The following ARID5B variants were observed in gnomAD, a reference collection of about 807,000 sequenced individuals.
ARID5B encodes the protein AT-rich interaction domain 5B, also known as AT-rich interactive domain-containing protein 5B.
A neutral mutation model predicts 97.2 loss-of-function variants in ARID5B; 13 were observed. The observed-to-expected ratio is 0.13, with a 90% confidence interval of 0.09 to 0.21. The LOEUF (loss-of-function observed/expected upper bound fraction) is 0.21, where lower values mean the gene tolerates loss of function less well. ARID5B is among the 10% of genes least tolerant of loss of function. The pLI, the probability that ARID5B is intolerant of heterozygous loss-of-function variation, is 1.00. For missense variants in ARID5B, 1,210 were observed against 1,465.3 expected, an observed-to-expected ratio of 0.83 and a Z score of 2.84; for synonymous variants, 556 against 570.3, an observed-to-expected ratio of 0.97 and a Z score of 0.36.
At chr10:62,065,366 A>G (rs1839972872) in intron 7 of ARID5B, among the ~76,000 whole-genome samples, 1 of 152,154 alleles carries the variant, frequency 6.6e-6, no homozygotes, top group African/African-American at 2.4e-5. Context: ...TCGTGACACC[A>G]TCTCACACTC....
intron 4 of ARID5B, among the ~76,000 whole-genome samples, chr10:62,040,004 C>T (rs1288744963): frequency 6.6e-6 from 1 of 152,192 alleles, no homozygotes; most frequent in African/African-American, 2.4e-5. Context: ...AAAATCACTC[C>T]AGCTCCATTT....
At chr10:61,972,944 A>G (rs1838648936) in intron 3 of ARID5B, among the ~76,000 whole-genome samples, 1 of 152,228 alleles carries the variant, frequency 6.6e-6, no homozygotes, top group African/African-American at 2.4e-5. Flanking sequence ...TTTCATGAGA[A>G]GTTGGGCAAA....
At chr10:61,917,821 A>G (rs1031198031) in intron 2 of ARID5B, among the ~76,000 whole-genome samples, 2 of 152,148 alleles carry the variant, frequency 1.3e-5, no homozygotes, top group Non-Finnish European at 2.9e-5. Flanking sequence ...GCAGGAAGAG[A>G]TGTGCAAGAA....
At chr10:61,968,127 C>T (rs932491186) in intron 3 of ARID5B, among the ~76,000 whole-genome samples, 1 of 144,020 alleles carries the variant, frequency 6.9e-6, no homozygotes, top group Non-Finnish European at 1.5e-5. Context: ...CACACCTAAT[C>T]TAGTGTGCCA....
intron 2 of ARID5B, among the ~76,000 whole-genome samples, chr10:61,928,756 G>A (rs774820296): frequency 6.6e-6 from 1 of 152,146 alleles, no homozygotes; most frequent in African/African-American, 2.4e-5. Context: ...GCTTCATCTT[G>A]TTTGATCCAT....
chr10:61,987,988 A>G (rs1838869558), intron 3 of ARID5B, among the ~76,000 whole-genome samples: 1 of 152,206 alleles, frequency 6.6e-6, no homozygotes, highest in South Asian at 2.1e-4. Context: ...AGCAGATGGT[A>G]GGTACTTTGG....
In ARID5B at chr10:61,957,020, C is replaced by T. The variant is rs953270135; in HGVS notation, c.502+16612C>T. 1.2e-4 allele frequency among the ~76,000 whole-genome samples: 18 copies of T among 152,246 alleles called. 1 individual carries two copies. Among genetic ancestry groups the T allele is most frequent in the African/African-American group, 4.1e-4 (17 of 41,552 alleles). ...TTCCAGGCTCAAGTGATCCTCCCAC[C>T]TCAGCCTTTTAAATTGTTTTTCTGA... On this transcript the variant is annotated intron_variant, in intron 3 of 9. Transcript: ENST00000279873.
intron 7 of ARID5B, among the ~76,000 whole-genome samples, chr10:62,060,686 C>T (rs1309526818): frequency 6.6e-6 from 1 of 152,008 alleles, no homozygotes; most frequent in African/African-American, 2.4e-5. Flanking sequence ...GTCTCATAAA[C>T]GTAGAAGTCA....
intron 3 of ARID5B, among the ~76,000 whole-genome samples, chr10:61,980,614 GA>G (rs1432002508): frequency 6.6e-6 from 1 of 152,162 alleles, no homozygotes; most frequent in Non-Finnish European, 1.5e-5. Flanking sequence ...AACCATCTTG[GA>G]AAAATAGCTG....
intron 4 of ARID5B, among the ~76,000 whole-genome samples, chr10:62,016,612 C>G (rs1441350796): frequency 6.6e-6 from 1 of 152,182 alleles, no homozygotes; most frequent in East Asian, 1.9e-4. Flanking sequence ...CATAAGTCAA[C>G]CAGTCTGTTG....
chr10:62,066,949 G>T (rs1161386290), intron 7 of ARID5B, among the ~76,000 whole-genome samples: 2 of 152,120 alleles, frequency 1.3e-5, no homozygotes, highest in Non-Finnish European at 2.9e-5. Flanking sequence ...TTGCATCCCA[G>T]CTGTAACATT....
chr10:62,050,482 G>A (rs1231311526), intron 4 of ARID5B, among the ~76,000 whole-genome samples: 3 of 152,122 alleles, frequency 2.0e-5, no homozygotes, highest in African/African-American at 7.2e-5. Context: ...GATACCATAA[G>A]GGCAGGCATG....
intron 8 of ARID5B, among the ~76,000 whole-genome samples, chr10:62,075,835 A>G (rs1186565325): frequency 6.6e-6 from 1 of 152,224 alleles, no homozygotes; most frequent in African/African-American, 2.4e-5. Flanking sequence ...TGGAATGGGC[A>G]AGAAGCCCTC....
chr10:61,976,866 T>G (rs1336040865), intron 3 of ARID5B, among the ~76,000 whole-genome samples: 1 of 152,124 alleles, frequency 6.6e-6, no homozygotes, highest in Non-Finnish European at 1.5e-5. Flanking sequence ...TTCTTTTTTT[T>G]TTTTTTATTA....
chr10:62,085,915 T>C lies in ARID5B; in HGVS notation c.1398+15T>C. The C allele has an allele frequency of 6.2e-7, 1 of 1,604,002 alleles. No individual in the cohort carries two copies. Among genetic ancestry groups the C allele is most frequent in the Non-Finnish European group, 8.5e-7 (1 of 1,177,338 alleles). On this transcript the variant is annotated intron_variant, in intron 9 of 9. Transcript: ENST00000279873. ...ATGCAGCAGAGGTGAGTTGCTTTGC[T>C]CCATAGAAATACCTCTGGAAGACAT... is the stretch of plus-strand genomic sequence containing the variant.
intron 3 of ARID5B, among the ~76,000 whole-genome samples, chr10:61,944,003 G>A (rs572679452): frequency 1.3e-5 from 2 of 152,168 alleles, no homozygotes; most frequent in Non-Finnish European, 2.9e-5. Context: ...TACAGATCTG[G>A]ATAGTGGAAA....
intron 3 of ARID5B, among the ~76,000 whole-genome samples, chr10:61,998,181 G>T (rs1393582065): frequency 6.6e-6 from 1 of 152,114 alleles, no homozygotes; most frequent in Non-Finnish European, 1.5e-5. Flanking sequence ...AATACATCTG[G>T]GTATTGGCCT....
chr10:61,923,243 A>G (rs1011939212), intron 2 of ARID5B, among the ~76,000 whole-genome samples: 1 of 151,974 alleles, frequency 6.6e-6, no homozygotes, highest in East Asian at 1.9e-4. Flanking sequence ...GTTCTTCCCC[A>G]TCTTCCCTCA....
intron 8 of ARID5B, 145 bp from the exon 9 acceptor site, chr10:62,085,557 G>T: frequency 2.8e-6 from 2 of 722,474 alleles, no homozygotes; most frequent in African/African-American, 3.5e-5. Flanking sequence ...AAAGTGTAGA[G>T]TAAGTTTATA....
Sources: gnomAD v4.1 joint callset for allele counts (sites outside exome capture counted in the v4.1 genomes callset) on GRCh38, gnomAD v4.1.1 for gene constraint, MANE v1.5 for transcripts, NCBI Gene and HGNC (gene_info 2026-07-23, HGNC 2026-07-21) for gene names.